CYCS: variants seen among roughly 807,000 people sequenced by gnomAD.
CYCS encodes the protein cytochrome c, somatic, also known as cytochrome c.
For missense variants in CYCS, 87 were observed against 125.3 expected (o/e 0.69, Z 1.46); for synonymous variants, 41 against 43.0 (o/e 0.95, Z 0.18).
rs987170585 is a variant in CYCS, at chr7:25,120,984, C to A, written c.*2717G>T. ...TACTAAAAACACAAAATAAGCTGGG[C>A]ATGGTGGCGCATGCTTGTAATCCCA... On this transcript the variant is annotated 3_prime_UTR_variant, in exon 3 of 3. Transcript: ENST00000305786. 1.3e-5 allele frequency: 2 copies of A among 152,146 alleles called. No homozygotes were observed. The highest frequency in any genetic ancestry group is 4.8e-5 in the African/African-American group (2 of 41,438). 9.4% of individuals were successfully genotyped at this position (152,146 alleles called of 1,614,324 possible). A position where few individuals can be genotyped will look rare whatever the true frequency, so the allele number is the denominator to read the frequency against.
rs776182103 is a variant in CYCS at position 25,120,873 on chromosome 7, C to T, written c.*2828G>A. 1 of 152,182 alleles carries T rather than the reference C, an allele frequency of 6.6e-6. No homozygotes were observed. Among genetic ancestry groups the T allele is most frequent in the Non-Finnish European group, 1.5e-5 (1 of 68,082 alleles). 9.4% of individuals were successfully genotyped at this position (152,182 alleles called of 1,614,324 possible). A position where few individuals can be genotyped will look rare whatever the true frequency, so the allele number is the denominator to read the frequency against. ...GGCGTGGTGGCTCACGCCTGTAATC[C>T]CAGCACTTTGGGAGGCCGAGGCAGG... is the stretch of plus-strand genomic sequence containing the variant. On this transcript the variant is annotated 3_prime_UTR_variant, in exon 3 of 3. Coordinates refer to ENST00000305786, the MANE Select transcript of CYCS (RefSeq NM_018947.6).
rs1439545310 is a variant in CYCS, at chr7:25,120,528, G to A, written c.*3173C>T. The stretch of plus-strand genomic sequence containing the variant: ...AATAAAATACTTTCTAGTCACACTA[G>A]CTATATTTCAAGGGCTTAACAGCCA... On this transcript the variant is annotated 3_prime_UTR_variant, in exon 3 of 3. Coordinates refer to ENST00000305786, the MANE Select transcript of CYCS (RefSeq NM_018947.6). The A allele has an allele frequency of 4.6e-5, 7 of 152,238 alleles. No homozygotes were observed. The highest frequency in any genetic ancestry group is 8.8e-5 in the Non-Finnish European group (6 of 68,052). The allele number at this position is 152,238 out of a possible 1,614,324, so 9.4% of individuals were successfully genotyped here.
rs1583393042 is a variant in CYCS at position 25,120,277 on chromosome 7, G to A, written c.*3424C>T. 6.6e-6 allele frequency: 1 copy of A among 152,090 alleles called. No individual in the cohort carries two copies. Among genetic ancestry groups the A allele is most frequent in the African/African-American group, 2.4e-5 (1 of 41,408 alleles). 9.4% of individuals were successfully genotyped at this position (152,090 alleles called of 1,614,324 possible). On this transcript the variant is annotated 3_prime_UTR_variant, in exon 3 of 3. Coordinates refer to ENST00000305786, the MANE Select transcript of CYCS (RefSeq NM_018947.6). Reference sequence around the variant, plus strand: ...ATTTTTATGTTTTTTGTAGAGACAGGGTTTCGCCATGTTGACCAGGCTGGT... The same window carrying A: ...ATTTTTATGTTTTTTGTAGAGACAGAGTTTCGCCATGTTGACCAGGCTGGT...
At position 25,118,922 on chromosome 7, in the gene CYCS, T is replaced by C. The variant is rs1783316391; in HGVS notation, c.*4779A>G. ...TAGCTTTCTGAGGGAAATGATAGCC[T>C]GAAGGCATGACGTTTTCAAATACCC... On this transcript the variant is annotated 3_prime_UTR_variant, in exon 3 of 3. Coordinates refer to ENST00000305786, the MANE Select transcript of CYCS (RefSeq NM_018947.6). Among the ~76,000 whole-genome samples, 1 of 152,242 alleles carries C rather than the reference T, an allele frequency of 6.6e-6. No homozygotes were observed. The highest frequency in any genetic ancestry group is 6.5e-5 in the Admixed American group (1 of 15,284).
rs1187732367 is a variant in CYCS, at chr7:25,123,862, G to T, written c.170-13C>A. ...CCCCAGATGATGCCTAAACAAGAAA[G>T]AATGCATCGGTTATTTCACACTCCT... On this transcript the variant is annotated splice_polypyrimidine_tract_variant and intron_variant, in intron 2 of 2. Coordinates refer to ENST00000305786, the MANE Select transcript of CYCS (RefSeq NM_018947.6). The T allele has an allele frequency of 6.2e-7, 1 of 1,614,144 alleles. No individual in the cohort carries two copies. The highest frequency in any genetic ancestry group is 8.5e-7 in the Non-Finnish European group (1 of 1,180,012).
Position 25,123,774 on chromosome 7 carries a change from A to T in CYCS, c.245T>A (p.Ile82Asn), listed in dbSNP as rs752600697. ...TTCCTTCTTCTTAATGCCGACAAAG[A>T]TCATTTTTGTTCCAGGGATGTACTT... ...PKKYIPGTKMIFVGIKKKEER... is the reference protein window; with the variant it reads ...PKKYIPGTKMNFVGIKKKEER... Residue 82 changes from isoleucine to asparagine, a missense_variant, in exon 3 of 3, where the codon ATC becomes AAC. Physicochemically the swap from Ile to Asn is moderately radical, Grantham distance 149 (BLOSUM62 -3). Coordinates refer to ENST00000305786, the MANE Select transcript of CYCS (RefSeq NM_018947.6). The T allele has an allele frequency of 1.2e-6, 2 of 1,612,312 alleles. No homozygotes were observed. The highest frequency in any genetic ancestry group is 1.7e-6 in the Non-Finnish European group (2 of 1,180,000).
rs1366886729 is a variant in CYCS, at chr7:25,123,346, T to G, written c.*355A>C. The G allele has an allele frequency of 3.2e-6, 1 of 310,354 alleles. No homozygotes were observed. The highest frequency in any genetic ancestry group is 6.2e-6 in the Non-Finnish European group (1 of 160,478). 19.2% of individuals were successfully genotyped at this position (310,354 alleles called of 1,614,324 possible). ...AAGCAATTTCCCCAGTATTTAAATATATTCACATAACCAGTTATATAAATC... is the reference window on the plus strand; with the variant it reads ...AAGCAATTTCCCCAGTATTTAAATAGATTCACATAACCAGTTATATAAATC... On this transcript the variant is annotated 3_prime_UTR_variant, in exon 3 of 3. Transcript: ENST00000305786.
In CYCS at chr7:25,120,295, A is replaced by G. The variant is rs1026256341; in HGVS notation, c.*3406T>C. ...GAGACAGGGTTTCGCCATGTTGACCAGGCTGGTCTCAAACGCCTGACCTCA... is the reference window on the plus strand; with the variant it reads ...GAGACAGGGTTTCGCCATGTTGACCGGGCTGGTCTCAAACGCCTGACCTCA... On this transcript the variant is annotated 3_prime_UTR_variant, in exon 3 of 3. Coordinates refer to ENST00000305786, the MANE Select transcript of CYCS (RefSeq NM_018947.6). 6.6e-6 allele frequency: 1 copy of G among 152,244 alleles called. No individual in the cohort carries two copies. The highest frequency in any genetic ancestry group is 1.5e-5 in the Non-Finnish European group (1 of 68,070). 9.4% of individuals were successfully genotyped at this position (152,244 alleles called of 1,614,324 possible).
At position 25,123,959 on chromosome 7, in the gene CYCS, T is replaced by C; in HGVS notation, c.161A>G (p.Lys54Arg). The C allele has an allele frequency of 6.2e-7, 1 of 1,614,250 alleles. No homozygotes were observed. Among genetic ancestry groups the C allele is most frequent in the Non-Finnish European group, 8.5e-7 (1 of 1,180,050 alleles). Residue 54 changes from lysine (K) to arginine (R), a missense_variant, in exon 2 of 3, where the codon AAG (lysine) becomes AGG (arginine). By Grantham distance (26) the Lys-to-Arg change is conservative. Transcript: ENST00000305786. ...TAACAAGTGACTCTTACCTTTGTTCTTATTGGCGGCTGTGTAAGAGTATCC... is the reference window on the plus strand; with the variant it reads ...TAACAAGTGACTCTTACCTTTGTTCCTATTGGCGGCTGTGTAAGAGTATCC... Reference protein sequence around the residue: ...APGYSYTAANKNKGIIWGEDT... With the variant: ...APGYSYTAANRNKGIIWGEDT...
In CYCS at chr7:25,125,240, A is replaced by ATTT. The variant is rs1783429301; in HGVS notation, c.-50_-49insAAA. 4.6e-5 allele frequency: 7 copies of ATTT among 152,908 alleles called. No individual in the cohort carries two copies. Among genetic ancestry groups the ATTT allele is most frequent in the African/African-American group, 1.7e-4 (7 of 41,576 alleles). The allele number at this position is 152,908 out of a possible 1,614,324, so 9.5% of individuals were successfully genotyped here. ...GGCACAACGAACACTCCCGCTCCGA[A>ATTT]GCCGGACGTCCCCACTCTCTAAGTC... On this transcript the variant is annotated 5_prime_UTR_variant, in exon 1 of 3. Transcript: ENST00000305786.
rs1327500053 is a variant in CYCS, at chr7:25,120,352, C to G, written c.*3349G>C. 2 of 152,252 alleles carry G rather than the reference C, an allele frequency of 1.3e-5. No individual in the cohort carries two copies. Among genetic ancestry groups the G allele is most frequent in the East Asian group, 3.8e-4 (2 of 5,198 alleles). The allele number at this position is 152,252 out of a possible 1,614,324, so 9.4% of individuals were successfully genotyped here. On this transcript the variant is annotated 3_prime_UTR_variant, in exon 3 of 3. Transcript: ENST00000305786. The stretch of plus-strand genomic sequence containing the variant: ...CTGCCTGCCTTGGCCTCCCAAAGTG[C>G]TGGGATTACAGGCATGAGCGACCAT...
rs1054450768 is a variant in CYCS at position 25,121,065 on chromosome 7, G to C, written c.*2636C>G. On this transcript the variant is annotated 3_prime_UTR_variant, in exon 3 of 3. Coordinates refer to ENST00000305786, the MANE Select transcript of CYCS (RefSeq NM_018947.6). ...CTTGAACCTGGAAGGCGGAGGTTGC[G>C]GTGAGCAGCGATCACGCCATTGCAC... The C allele has an allele frequency of 6.6e-6, 1 of 151,382 alleles. No individual in the cohort carries two copies. Among genetic ancestry groups the C allele is most frequent in the Non-Finnish European group, 1.5e-5 (1 of 67,822 alleles). The allele number at this position is 151,382 out of a possible 1,614,324, so 9.4% of individuals were successfully genotyped here. A position where few individuals can be genotyped will look rare whatever the true frequency, so the allele number is the denominator to read the frequency against.
At position 25,120,853 on chromosome 7, in the gene CYCS, G is replaced by A. The variant is rs1301835464; in HGVS notation, c.*2848C>T. On this transcript the variant is annotated 3_prime_UTR_variant, in exon 3 of 3. Transcript: ENST00000305786. Reference sequence around the variant, plus strand: ...AAAAATTACATAATTGGCCAGGCGTGGTGGCTCACGCCTGTAATCCCAGCA... The same window carrying A: ...AAAAATTACATAATTGGCCAGGCGTAGTGGCTCACGCCTGTAATCCCAGCA... 6.6e-6 allele frequency: 1 copy of A among 152,256 alleles called. No homozygotes were observed. Among genetic ancestry groups the A allele is most frequent in the Non-Finnish European group, 1.5e-5 (1 of 68,070 alleles). The allele number at this position is 152,256 out of a possible 1,614,324, so 9.4% of individuals were successfully genotyped here.
chr7:25,121,305 G>T lies in CYCS; in HGVS notation c.*2396C>A, dbSNP rs1259465993. ...CACACCTGTAATCCTAGAACTTTGGGAGGCCAAGGTGGGTGGATCACGAGG... is the reference window on the plus strand; with the variant it reads ...CACACCTGTAATCCTAGAACTTTGGTAGGCCAAGGTGGGTGGATCACGAGG... On this transcript the variant is annotated 3_prime_UTR_variant, in exon 3 of 3. Coordinates refer to ENST00000305786, the MANE Select transcript of CYCS (RefSeq NM_018947.6). The T allele has an allele frequency of 1.3e-5, 2 of 152,224 alleles. No individual in the cohort carries two copies. The highest frequency in any genetic ancestry group is 2.9e-5 in the Non-Finnish European group (2 of 68,094). The allele number at this position is 152,224 out of a possible 1,614,324, so 9.4% of individuals were successfully genotyped here.
At position 25,125,236 on chromosome 7, in the gene CYCS, C is replaced by T. The variant is rs1388458801; in HGVS notation, c.-45G>A. On this transcript the variant is annotated 5_prime_UTR_variant, in exon 1 of 3. Coordinates refer to ENST00000305786, the MANE Select transcript of CYCS (RefSeq NM_018947.6). Reference sequence around the variant, plus strand: ...CGCTGGCACAACGAACACTCCCGCTCCGAAGCCGGACGTCCCCACTCTCTA... The same window carrying T: ...CGCTGGCACAACGAACACTCCCGCTTCGAAGCCGGACGTCCCCACTCTCTA... The T allele has an allele frequency of 1.8e-4, 27 of 152,842 alleles. No individual in the cohort carries two copies. The highest frequency in any genetic ancestry group is 1.8e-3 in the Admixed American group (27 of 15,288). 9.5% of individuals were successfully genotyped at this position (152,842 alleles called of 1,614,324 possible).
Position 25,122,715 on chromosome 7 carries a change from T to G in CYCS, c.*986A>C, listed in dbSNP as rs1225043216. On this transcript the variant is annotated 3_prime_UTR_variant, in exon 3 of 3. Transcript: ENST00000305786. ...GTAAACAATCTAGCACCATGACTGG[T>G]TAACACTGCTGCACTGACATTTAGG... 6.6e-6 allele frequency: 1 copy of G among 152,344 alleles called. No homozygotes were observed. Among genetic ancestry groups the G allele is most frequent in the South Asian group, 2.1e-4 (1 of 4,834 alleles). The allele number at this position is 152,344 out of a possible 1,614,324, so 9.4% of individuals were successfully genotyped here.
intron 1 of CYCS, 38 bp from the exon 2 acceptor site, chr7:25,124,165 A>C: frequency 6.4e-7 from 1 of 1,554,638 alleles, no homozygotes; most frequent in Non-Finnish European, 8.8e-7. Flanking sequence ...ATTTTTCCTC[A>C]GGTAACAAAT....
rs1055625061 is a variant in CYCS, at chr7:25,121,225, C to G, written c.*2476G>C. The G allele has an allele frequency of 6.6e-6, 1 of 152,120 alleles. No homozygotes were observed. Among genetic ancestry groups the G allele is most frequent in the Non-Finnish European group, 1.5e-5 (1 of 68,052 alleles). The allele number at this position is 152,120 out of a possible 1,614,324, so 9.4% of individuals were successfully genotyped here. On this transcript the variant is annotated 3_prime_UTR_variant, in exon 3 of 3. Transcript: ENST00000305786. Reference sequence around the variant, plus strand: ...TGGCAGTTACTCATCTGTGCCAACACAGACCTTAATATAGGAGGCATAGAA... The same window carrying G: ...TGGCAGTTACTCATCTGTGCCAACAGAGACCTTAATATAGGAGGCATAGAA...
chr7:25,124,886 G>A lies in CYCS; in HGVS notation c.-9+314C>T, dbSNP rs1005491206. 2.6e-5 allele frequency: 4 copies of A among 152,552 alleles called. No homozygotes were observed. The East Asian group carries it at 7.7e-4, about 29-fold the overall frequency. The allele number at this position is 152,552 out of a possible 1,614,324, so 9.4% of individuals were successfully genotyped here. A position where few individuals can be genotyped will look rare whatever the true frequency, so the allele number is the denominator to read the frequency against. The stretch of plus-strand genomic sequence containing the variant: ...AGCTCTAAGCTTCGGCTTTCCAGGA[G>A]GGAAGTCTTGCCTATCATTTCCATA... On this transcript the variant is annotated intron_variant, in intron 1 of 2. Coordinates refer to ENST00000305786, the MANE Select transcript of CYCS (RefSeq NM_018947.6).
Sources: allele counts gnomAD v4.1 joint callset (sites outside exome capture counted in the v4.1 genomes callset), GRCh38; gene constraint gnomAD v4.1.1; transcripts MANE v1.5; gene names NCBI Gene and HGNC (gene_info 2026-07-23, HGNC 2026-07-21).